Variants in COG5 observed in about 807,000 individuals in gnomAD.
The protein encoded by COG5 is conserved oligomeric Golgi complex subunit 5.
Under a neutral mutation model 110.4 loss-of-function variants are expected in COG5, and 86 were observed. That is an observed-to-expected ratio of 0.78 (90% CI 0.65 to 0.93). The LOEUF is 0.93. COG5 is among the 40% of genes least tolerant of loss of function. The probability of loss-of-function intolerance (pLI) is 0.00; values close to 1 mark genes in which losing one functional copy is unlikely to be tolerated. For synonymous variants in COG5, 360 were observed against 334.6 expected, an observed-to-expected ratio of 1.08 and a Z score of -0.83; for missense variants, 1,077 against 987.0, an observed-to-expected ratio of 1.09 and a Z score of -1.22.
At chr7:107,387,836 CTGTT>C (rs1350524434) in intron 7 of COG5, among the ~76,000 whole-genome samples, 9 of 152,208 alleles carry the variant, frequency 5.9e-5, no homozygotes, top group Admixed American at 2.0e-4. Flanking sequence ...TCAGCTTACT[CTGTT>C]TATTTATTGC....
At chr7:107,271,208 T>C (rs1283874331) in intron 14 of COG5, among the ~76,000 whole-genome samples, 1 of 152,112 alleles carries the variant, frequency 6.6e-6, no homozygotes, top group South Asian at 2.1e-4. Context: ...GATCACGACA[T>C]TGCATCTAGC....
chr7:107,467,434 G>A (rs947576242), intron 6 of COG5, among the ~76,000 whole-genome samples: 2 of 152,116 alleles, frequency 1.3e-5, no homozygotes, highest in Non-Finnish European at 2.9e-5. Context: ...GCAGCTCACT[G>A]CAATCTCTGC....
At chr7:107,246,950 CA>C (rs1359637360) in intron 17 of COG5, among the ~76,000 whole-genome samples, 2 of 152,142 alleles carry the variant, frequency 1.3e-5, no homozygotes, top group African/African-American at 4.8e-5. Context: ...TTCACAATAG[CA>C]AAGACATGCA....
chr7:107,504,689 T>A (rs1443498442), intron 6 of COG5, among the ~76,000 whole-genome samples: 1 of 152,200 alleles, frequency 6.6e-6, no homozygotes, highest in Non-Finnish European at 1.5e-5. Flanking sequence ...TTGTTATTGG[T>A]CTGCTCAGGG....
chr7:107,453,524 A>G (rs1038684190), intron 6 of COG5, among the ~76,000 whole-genome samples: 3 of 152,216 alleles, frequency 2.0e-5, no homozygotes, highest in African/African-American at 4.8e-5. Context: ...AGAATCTTCT[A>G]TAACGAGGAA....
At chr7:107,268,005 G>A (rs1044481959) in intron 14 of COG5, among the ~76,000 whole-genome samples, 5 of 152,150 alleles carry the variant, frequency 3.3e-5, no homozygotes, top group Admixed American at 1.3e-4. Flanking sequence ...TTTCGCTCTT[G>A]TTGCCCAGGC....
At chr7:107,273,264 G>GT (rs2116734393) in intron 14 of COG5, among the ~76,000 whole-genome samples, 1 of 152,214 alleles carries the variant, frequency 6.6e-6, no homozygotes, top group South Asian at 2.1e-4. Flanking sequence ...GTAAATGCAG[G>GT]TTTTCTTTCG....
chr7:107,345,517 G>T (rs756479837), intron 10 of COG5, among the ~76,000 whole-genome samples: 1 of 150,286 alleles, frequency 6.7e-6, no homozygotes, highest in African/African-American at 2.4e-5. Flanking sequence ...TAAAGTAGTC[G>T]GGCACTTAGA....
chr7:107,516,083 T>C (rs1247754376), intron 6 of COG5, among the ~76,000 whole-genome samples: 1 of 152,264 alleles, frequency 6.6e-6, no homozygotes, highest in Non-Finnish European at 1.5e-5. Flanking sequence ...TCATTCAATC[T>C]ACACTTTGTA....
chr7:107,283,071 C>T (rs1028086286), intron 13 of COG5, among the ~76,000 whole-genome samples: 4 of 152,152 alleles, frequency 2.6e-5, no homozygotes, highest in African/African-American at 9.7e-5. Flanking sequence ...ATTCAGGTGG[C>T]ACCTCTGCTA....
At chr7:107,255,203 C>CT (rs1487572437) in intron 16 of COG5, among the ~76,000 whole-genome samples, 3 of 152,062 alleles carry the variant, frequency 2.0e-5, no homozygotes, top group African/African-American at 7.2e-5. Context: ...AATGTTAAGA[C>CT]TTTAAGATTT....
At chr7:107,261,805 C>T (rs1803375615) in intron 14 of COG5, among the ~76,000 whole-genome samples, 1 of 152,028 alleles carries the variant, frequency 6.6e-6, no homozygotes, top group Non-Finnish European at 1.5e-5. Flanking sequence ...TCTCAGGCTG[C>T]CATTTCAAAT....
chr7:107,536,705 T>G (rs186781149), intron 5 of COG5, among the ~76,000 whole-genome samples: 73 of 152,282 alleles, frequency 4.8e-4, no homozygotes, highest in Non-Finnish European at 7.5e-4. Context: ...ATTTATAGAT[T>G]CAATACTATT....
chr7:107,512,058 G>A lies in COG5; in HGVS notation c.538+15179C>T, dbSNP rs571770447. On this transcript the variant is annotated intron_variant, in intron 6 of 21. Coordinates refer to ENST00000297135, the MANE Select transcript of COG5 (RefSeq NM_006348.5). ...AAGTTCTGGCCAGGGCAATTAGGCA[G>A]GAGAAGGAAATAAAGGGTATTCAAT... Among the ~76,000 whole-genome samples the A allele has an allele frequency of 2.6e-5, 4 of 152,276 alleles. No individual in the cohort carries two copies. In the East Asian group the frequency reaches 5.8e-4, roughly 22 times the overall value.
Position 107,500,453 on chromosome 7 carries a change from G to C in COG5, c.538+26784C>G, listed in dbSNP as rs552349636. ...TGTACTACCTCATTCTGAGGATCAT[G>C]CCTTCTTCATGTGCCCACGAAAATA... is the stretch of plus-strand genomic sequence containing the variant. On this transcript the variant is annotated intron_variant, in intron 6 of 21. Transcript: ENST00000297135. Among the ~76,000 whole-genome samples the C allele has an allele frequency of 7.2e-5, 11 of 152,198 alleles. No homozygotes were observed. In the East Asian group the frequency reaches 1.9e-3, roughly 27 times the overall value.
At chr7:107,387,928 C>G (rs951186043) in intron 7 of COG5, among the ~76,000 whole-genome samples, 3 of 152,222 alleles carry the variant, frequency 2.0e-5, no homozygotes, top group Non-Finnish European at 4.4e-5. Flanking sequence ...TCAGCAATTG[C>G]TAGATCAACA....
chr7:107,246,546 T>C (rs1802073686), intron 17 of COG5, among the ~76,000 whole-genome samples: 1 of 152,090 alleles, frequency 6.6e-6, no homozygotes, highest in Non-Finnish European at 1.5e-5. Context: ...CATTAAAAGG[T>C]GGGCAAAAGA....
chr7:107,521,743 G>C (rs1800332555), intron 6 of COG5, among the ~76,000 whole-genome samples: 1 of 152,172 alleles, frequency 6.6e-6, no homozygotes, highest in Admixed American at 6.5e-5. Flanking sequence ...CAAGTATCTA[G>C]AACCAGAAAT....
At chr7:107,230,466 T>A in intron 19 of COG5, 149 bp downstream of exon 19, 2 of 721,040 alleles carry the variant, frequency 2.8e-6, no homozygotes, top group Non-Finnish European at 5.0e-6. Context: ...GGGTTTCTGA[T>A]TTGAATACTT....
Sources: gnomAD v4.1 joint callset for allele counts (sites outside exome capture counted in the v4.1 genomes callset) on GRCh38, gnomAD v4.1.1 for gene constraint, MANE v1.5 for transcripts, NCBI Gene and HGNC (gene_info 2026-07-23, HGNC 2026-07-21) for gene names.